Variants in ZFAND6 observed in about 807,000 individuals in gnomAD.
ZFAND6 encodes zinc finger AN1-type containing 6, also known as AN1-type zinc finger protein 6.
Under a neutral mutation model 24.5 loss-of-function variants are expected in ZFAND6, and 12 were observed. The ratio of observed to expected loss-of-function variants is 0.49; its 90% CI spans 0.31 to 0.79. The LOEUF (loss-of-function observed/expected upper bound fraction) is 0.79, where lower values mean the gene tolerates loss of function less well. Ranked by LOEUF, ZFAND6 falls within the 30% of genes least tolerant of loss-of-function variation. The pLI, the probability that ZFAND6 is intolerant of heterozygous loss-of-function variation, is 0.04. For missense variants in ZFAND6, 207 were observed against 245.9 expected (o/e 0.84, Z 1.06); for synonymous variants, 92 against 81.5 (o/e 1.13, Z -0.69).
intron 1 of ZFAND6, among the ~76,000 whole-genome samples, chr15:80,088,380 C>G (rs1339146310): frequency 2.0e-5 from 3 of 152,060 alleles, no homozygotes; most frequent in African/African-American, 7.2e-5. Context: ...CCAGCTTGAC[C>G]AACATGGTGA....
chr15:80,114,317 TCCAA>T (rs2039759644), intron 2 of ZFAND6, among the ~76,000 whole-genome samples: 1 of 152,216 alleles, frequency 6.6e-6, no homozygotes, highest in Non-Finnish European at 1.5e-5. Context: ...CCGACCTGAC[TCCAA>T]GCCCATTCTG....
chr15:80,066,849 A>C (rs2036672480), intron 1 of ZFAND6, among the ~76,000 whole-genome samples: 1 of 150,266 alleles, frequency 6.7e-6, no homozygotes, highest in Admixed American at 6.6e-5. Context: ...GTGAGCCGAG[A>C]CTGCACCACT....
intron 1 of ZFAND6, among the ~76,000 whole-genome samples, chr15:80,077,856 C>A (rs1306259883): frequency 1.3e-5 from 2 of 151,726 alleles, no homozygotes; most frequent in East Asian, 3.9e-4. Context: ...TCTGCCACCA[C>A]GCCCGGCTAA....
In ZFAND6 at chr15:80,112,058, G is replaced by A. The variant is rs148258917; in HGVS notation, c.-17-8270G>A. 0.02 allele frequency among the ~76,000 whole-genome samples: 3,115 copies of A among 152,220 alleles called. 225 individuals carry two copies. In the East Asian group the frequency reaches 0.22, roughly 11 times the overall value. ...GTGAATCACCTGAGGTCAGCAGTTC[G>A]AGACCAGCCTGGCCAACATGGTGAA... On this transcript the variant is annotated intron_variant, in intron 2 of 6. Coordinates refer to ENST00000261749, the MANE Select transcript of ZFAND6 (RefSeq NM_019006.4).
intron 2 of ZFAND6, among the ~76,000 whole-genome samples, chr15:80,104,587 C>T (rs940012992): frequency 2.6e-5 from 4 of 152,170 alleles, no homozygotes; most frequent in African/African-American, 9.6e-5. Context: ...TTTTACTTTT[C>T]AGGTATTATT....
At chr15:80,112,822 A>T (rs771556151) in intron 2 of ZFAND6, 1 of 456,130 alleles carries the variant, frequency 2.2e-6, no homozygotes, top group South Asian at 1.5e-5. Context: ...ATGCAACAGG[A>T]AACACTAATC....
chr15:80,124,518 G>C (rs1361221606), intron 5 of ZFAND6, among the ~76,000 whole-genome samples: 17 of 152,126 alleles, frequency 1.1e-4, no homozygotes, highest in African/African-American at 3.4e-4. Context: ...GTTTGACAAA[G>C]AATAAAGGTC....
intron 1 of ZFAND6, among the ~76,000 whole-genome samples, chr15:80,095,292 T>G (rs1435314318): frequency 6.6e-6 from 1 of 152,226 alleles, no homozygotes; most frequent in Non-Finnish European, 1.5e-5. Flanking sequence ...TTTAGGAATG[T>G]GGTTTTGGCA....
chr15:80,104,251 C>T (rs1003871249), intron 2 of ZFAND6, among the ~76,000 whole-genome samples: 15 of 152,242 alleles, frequency 9.9e-5, no homozygotes, highest in African/African-American at 3.6e-4. Flanking sequence ...GCTGGGTGGG[C>T]GGTTCACGCC....
chr15:80,093,556 G>A (rs1035094098), intron 1 of ZFAND6, among the ~76,000 whole-genome samples: 15 of 152,014 alleles, frequency 9.9e-5, no homozygotes, highest in African/African-American at 2.4e-4. Context: ...GTGAAACTCC[G>A]TCTCTACTAA....
intron 6 of ZFAND6, among the ~76,000 whole-genome samples, chr15:80,131,910 G>A (rs371295619): frequency 9.5e-4 from 144 of 152,306 alleles, no homozygotes; most frequent in Admixed American, 3.5e-3. Flanking sequence ...AGCAAGGAAA[G>A]GACCATGAAG....
intron 2 of ZFAND6, chr15:80,111,463 A>T: frequency 2.2e-6 from 1 of 452,916 alleles, no homozygotes; most frequent in South Asian, 1.6e-5. Flanking sequence ...TTTCAATCTG[A>T]GGTTGGTGGA....
intron 6 of ZFAND6, among the ~76,000 whole-genome samples, chr15:80,133,700 G>T (rs888798542): frequency 1.3e-5 from 2 of 152,182 alleles, no homozygotes; most frequent in Middle Eastern, 3.2e-3. Flanking sequence ...AGGTCACAAA[G>T]ATCTAAGGAA....
chr15:80,113,727 A>C (rs1027644603), intron 2 of ZFAND6, among the ~76,000 whole-genome samples: 1 of 152,122 alleles, frequency 6.6e-6, no homozygotes, highest in African/African-American at 2.4e-5. Flanking sequence ...TGTGGGGTTC[A>C]TGTTAGGCAT....
At chr15:80,126,819 G>A (rs2040388544) in intron 5 of ZFAND6, among the ~76,000 whole-genome samples, 1 of 152,156 alleles carries the variant, frequency 6.6e-6, no homozygotes, top group African/African-American at 2.4e-5. Context: ...TTGCTTAAAA[G>A]AGTGGAAAAA....
chr15:80,092,994 A>C (rs1172979284), intron 1 of ZFAND6, among the ~76,000 whole-genome samples: 1 of 149,680 alleles, frequency 6.7e-6, no homozygotes, highest in East Asian at 2.0e-4. Context: ...TCGCTCTCTC[A>C]CCCAGGCTGG....
intron 1 of ZFAND6, among the ~76,000 whole-genome samples, chr15:80,082,797 A>G (rs571331642): frequency 2.0e-5 from 3 of 152,200 alleles, no homozygotes; most frequent in South Asian, 2.1e-4. Context: ...TGCTGAGTTT[A>G]TATCTTCTGG....
At chr15:80,110,652 C>G (rs961122115) in intron 2 of ZFAND6, among the ~76,000 whole-genome samples, 2 of 151,240 alleles carry the variant, frequency 1.3e-5, no homozygotes, top group Non-Finnish European at 2.9e-5. Context: ...GAGAAATAAA[C>G]CAGTAGAATA....
chr15:80,080,324 A>G (rs2037585417), intron 1 of ZFAND6, among the ~76,000 whole-genome samples: 1 of 152,212 alleles, frequency 6.6e-6, no homozygotes, highest in East Asian at 1.9e-4. Context: ...TAAATTTTGT[A>G]GATAATTGTT....
Sources: allele counts gnomAD v4.1 joint callset (sites outside exome capture counted in the v4.1 genomes callset), GRCh38; gene constraint gnomAD v4.1.1; transcripts MANE v1.5; gene names NCBI Gene and HGNC (gene_info 2026-07-23, HGNC 2026-07-21).